The following SDK1 variants were observed in gnomAD, a reference collection of about 807,000 sequenced individuals.
SDK1 encodes the protein protein sidekick-1.
A neutral mutation model predicts 245.5 loss-of-function variants in SDK1; 157 were observed. The ratio of observed to expected loss-of-function variants is 0.64; its 90% CI spans 0.56 to 0.73. SDK1 has a LOEUF of 0.73. SDK1 is among the 30% of genes least tolerant of loss of function. The pLI, the probability that SDK1 is intolerant of heterozygous loss-of-function variation, is 0.00. For missense variants in SDK1, 3,583 were observed against 3,002.3 expected (o/e 1.19, Z -4.52); for synonymous variants, 1,647 against 1,278.5 (o/e 1.29, Z -6.15).
At chr7:4,075,538 A>G (rs925226680) in intron 20 of SDK1, among the ~76,000 whole-genome samples, 1 of 151,906 alleles carries the variant, frequency 6.6e-6, no homozygotes, top group African/African-American at 2.4e-5. Context: ...CTGTGGACCT[A>G]TGAGCTCTTT....
intron 19 of SDK1, among the ~76,000 whole-genome samples, chr7:4,061,316 A>C (rs544309488): frequency 3.2e-4 from 49 of 152,086 alleles, no homozygotes; most frequent in South Asian, 1.0e-3. Context: ...CTTTTATTTC[A>C]TTGAGCAGTG....
chr7:3,490,479 T>C (rs1027583388), intron 1 of SDK1, among the ~76,000 whole-genome samples: 7 of 152,240 alleles, frequency 4.6e-5, no homozygotes, highest in Admixed American at 6.5e-5. Context: ...TCCTGTGTTC[T>C]GTATATCATT....
At chr7:3,438,651 A>C (rs1324593665) in intron 1 of SDK1, among the ~76,000 whole-genome samples, 1 of 152,050 alleles carries the variant, frequency 6.6e-6, no homozygotes, top group Middle Eastern at 3.2e-3. Context: ...GCTGTCACTT[A>C]GTTGGTGTGG....
At chr7:3,755,226 G>A (rs1237215726) in intron 4 of SDK1, among the ~76,000 whole-genome samples, 1 of 152,274 alleles carries the variant, frequency 6.6e-6, no homozygotes, top group African/African-American at 2.4e-5. Context: ...GAAAGGGGGC[G>A]TGTTGTGTGG....
chr7:3,588,552 C>T (rs1562584692), intron 1 of SDK1, among the ~76,000 whole-genome samples: 1 of 152,140 alleles, frequency 6.6e-6, no homozygotes, highest in Admixed American at 6.5e-5. Context: ...TGCGATCCTG[C>T]AGGGTGCGTT....
At chr7:3,595,954 T>TGG (rs1424329117) in intron 1 of SDK1, among the ~76,000 whole-genome samples, 1 of 142,454 alleles carries the variant, frequency 7.0e-6, no homozygotes, top group African/African-American at 2.6e-5. Flanking sequence ...TAATGGGTAT[T>TGG]TTTTTTTTTT....
At chr7:3,419,321 T>C (rs1480499780) in intron 1 of SDK1, among the ~76,000 whole-genome samples, 1 of 152,182 alleles carries the variant, frequency 6.6e-6, no homozygotes, top group Non-Finnish European at 1.5e-5. Flanking sequence ...TTATACTGCG[T>C]CTCTGTGGCC....
At chr7:4,241,952 T>C (rs1261072971) in intron 43 of SDK1, 39 bp downstream of exon 43, 5 of 1,604,548 alleles carry the variant, frequency 3.1e-6, no homozygotes, top group Non-Finnish European at 4.2e-6. Flanking sequence ...CCTGGGGATC[T>C]GAGCTGCCAG....
chr7:3,758,689 C>T (rs771144574), intron 4 of SDK1, among the ~76,000 whole-genome samples: 19 of 152,252 alleles, frequency 1.2e-4, no homozygotes, highest in South Asian at 2.1e-4. Flanking sequence ...CACCTGCACC[C>T]GCCCAGAGTC....
chr7:3,522,084 T>A (rs61605079), intron 1 of SDK1, among the ~76,000 whole-genome samples: 40,172 of 151,808 alleles, frequency 0.26, 5,514 homozygotes, highest in East Asian at 0.34. Flanking sequence ...TTTCAAAACA[T>A]AGGCTTTAAG....
At chr7:3,797,171 TA>T (rs987550925) in intron 4 of SDK1, among the ~76,000 whole-genome samples, 5 of 152,010 alleles carry the variant, frequency 3.3e-5, no homozygotes, top group Non-Finnish European at 5.9e-5. Flanking sequence ...TGTACCTGGC[TA>T]ATTTTTAAAT....
chr7:3,533,808 A>AT (rs1158808493), intron 1 of SDK1, among the ~76,000 whole-genome samples: 1 of 150,086 alleles, frequency 6.7e-6, no homozygotes, highest in East Asian at 2.0e-4. Context: ...TTTCACGATA[A>AT]TTTTTTCTTA....
chr7:3,482,225 A>C (rs1781543488), intron 1 of SDK1, among the ~76,000 whole-genome samples: 1 of 152,214 alleles, frequency 6.6e-6, no homozygotes, highest in Non-Finnish European at 1.5e-5. Context: ...AAAATATTAG[A>C]GGAGAGATGT....
intron 1 of SDK1, among the ~76,000 whole-genome samples, chr7:3,600,388 C>A (rs2128638503): frequency 6.6e-6 from 1 of 151,946 alleles, no homozygotes; most frequent in South Asian, 2.1e-4. Flanking sequence ...AATTTTAGTT[C>A]TTTCCTTCCA....
At chr7:4,246,491 C>T (rs549746361) in intron 44 of SDK1, among the ~76,000 whole-genome samples, 3 of 152,106 alleles carry the variant, frequency 2.0e-5, no homozygotes, top group Non-Finnish European at 2.9e-5. Flanking sequence ...AGGGTGGCAG[C>T]GGGTCTGATC....
At chr7:3,555,713 C>G (rs1368401912) in intron 1 of SDK1, among the ~76,000 whole-genome samples, 1 of 152,014 alleles carries the variant, frequency 6.6e-6, no homozygotes, top group Non-Finnish European at 1.5e-5. Flanking sequence ...GGAGTTCAAG[C>G]AACTCTATAG....
chr7:3,801,030 G>A (rs1328013462), intron 4 of SDK1, among the ~76,000 whole-genome samples: 1 of 152,090 alleles, frequency 6.6e-6, no homozygotes, highest in East Asian at 1.9e-4. Flanking sequence ...ACAACAAATT[G>A]AAATTTTTGG....
At chr7:3,800,611 C>T (rs1779084506) in intron 4 of SDK1, among the ~76,000 whole-genome samples, 1 of 152,090 alleles carries the variant, frequency 6.6e-6, no homozygotes, top group South Asian at 2.1e-4. Context: ...ACCTCATGAT[C>T]CGCCCGCCTC....
chr7:3,914,082 C>A (rs1326976790), intron 5 of SDK1, among the ~76,000 whole-genome samples: 1 of 152,182 alleles, frequency 6.6e-6, no homozygotes, highest in Non-Finnish European at 1.5e-5. Context: ...GAAGGCCCAG[C>A]CCTGGGGATA....
Sources: gnomAD v4.1 joint callset for allele counts (sites outside exome capture counted in the v4.1 genomes callset) on GRCh38, gnomAD v4.1.1 for gene constraint, MANE v1.5 for transcripts, NCBI Gene and HGNC (gene_info 2026-07-23, HGNC 2026-07-21) for gene names.